CNTNAP2: variants seen among roughly 807,000 people sequenced by gnomAD.
CNTNAP2 encodes the protein contactin-associated protein-like 2.
Under a neutral mutation model 155.2 loss-of-function variants are expected in CNTNAP2, and 98 were observed. The observed-to-expected ratio is 0.63, with a 90% confidence interval of 0.54 to 0.75. The LOEUF is 0.75. Ranked by LOEUF, CNTNAP2 falls within the 30% of genes least tolerant of loss-of-function variation. The pLI is 0.00. For synonymous variants in CNTNAP2, 651 were observed against 631.2 expected (o/e 1.03, Z -0.47); for missense variants, 1,727 against 1,688.1 (o/e 1.02, Z -0.40).
At chr7:146,406,822 G>A (rs547289091) in intron 1 of CNTNAP2, among the ~76,000 whole-genome samples, 51 of 152,308 alleles carry the variant, frequency 3.3e-4, no homozygotes, top group African/African-American at 1.1e-3. Context: ...GATCTGAAGG[G>A]TCATGGCTAC....
rs1798041697 is a variant in CNTNAP2 at position 146,151,645 on chromosome 7, T to TAC, written c.97+34673_97+34674insCA. On this transcript the variant is annotated intron_variant, in intron 1 of 23. Transcript: ENST00000361727. The stretch of plus-strand genomic sequence containing the variant: ...GGACAAAGAAAACGTGATATATATA[T>TAC]ATATATATATATATATATATATATA... Among the ~76,000 whole-genome samples the TAC allele has an allele frequency of 1.4e-4, 3 of 21,346 alleles. No individual in the cohort carries two copies. The East Asian group carries it at 4.4e-3, about 31-fold the overall frequency. The allele number at this position is 21,346 out of a possible 152,430, so 14.0% of individuals were successfully genotyped here.
At chr7:147,027,321 A>C (rs954779119) in intron 3 of CNTNAP2, among the ~76,000 whole-genome samples, 1 of 152,252 alleles carries the variant, frequency 6.6e-6, no homozygotes, top group South Asian at 2.1e-4. Flanking sequence ...TGGAAACTGC[A>C]TAGATCTTCT....
rs1026244799 is a variant in CNTNAP2 at position 147,639,312 on chromosome 7, C to A, written c.2098+6C>A. ...AAGATTGTTGAACACCCCAGGTAGGCTGAGAATGGAATGTTACTTTTAATC... is the reference window on the plus strand; with the variant it reads ...AAGATTGTTGAACACCCCAGGTAGGATGAGAATGGAATGTTACTTTTAATC... On this transcript the variant is annotated splice_donor_region_variant and intron_variant, in intron 13 of 23. Coordinates refer to ENST00000361727, the MANE Select transcript of CNTNAP2 (RefSeq NM_014141.6). The A allele has an allele frequency of 5.0e-6, 8 of 1,613,290 alleles. No homozygotes were observed. Among genetic ancestry groups the A allele is most frequent in the Non-Finnish European group, 6.8e-6 (8 of 1,179,412 alleles).
At chr7:147,715,934 A>C (rs1349433557) in intron 13 of CNTNAP2, among the ~76,000 whole-genome samples, 2 of 152,186 alleles carry the variant, frequency 1.3e-5, no homozygotes, top group East Asian at 3.9e-4. Context: ...TTGCCTATAA[A>C]TCATTGCATC....
intron 1 of CNTNAP2, among the ~76,000 whole-genome samples, chr7:146,721,889 A>ATATATATATATATTTTTTTTTTTTTTTT: frequency 1.4e-5 from 1 of 69,708 alleles, no homozygotes; most frequent in Admixed American, 1.2e-4. Flanking sequence ...ATATATATAT[A>ATATATATATATATTTTTTTTTTTTTTTT]TTTTTTTTTT....
chr7:146,871,784 A>C (rs139269458), intron 3 of CNTNAP2, among the ~76,000 whole-genome samples: 88 of 152,210 alleles, frequency 5.8e-4, no homozygotes, highest in African/African-American at 1.9e-3. Flanking sequence ...ATCCTTAATC[A>C]TTAACAGTAA....
rs146880492 is a variant in CNTNAP2 at position 148,362,732 on chromosome 7, T to G, written c.3476-20917T>G. On this transcript the variant is annotated intron_variant, in intron 21 of 23. Transcript: ENST00000361727. ...AAATTCAATGCTGCTAATAGGAAGCTTGAAAGCAAACAGTCTATGCTTTGG... is the reference window on the plus strand; with the variant it reads ...AAATTCAATGCTGCTAATAGGAAGCGTGAAAGCAAACAGTCTATGCTTTGG... 7.4e-3 allele frequency among the ~76,000 whole-genome samples: 1,120 copies of G among 152,282 alleles called. 15 individuals carry two copies. Among genetic ancestry groups the G allele is most frequent in the African/African-American group, 0.026 (1,080 of 41,562 alleles).
At chr7:148,027,919 A>T (rs138564735) in intron 15 of CNTNAP2, among the ~76,000 whole-genome samples, 2 of 152,326 alleles carry the variant, frequency 1.3e-5, no homozygotes, top group East Asian at 3.9e-4. Context: ...TGATTATTTT[A>T]TGTTAATTAC....
chr7:146,510,544 G>A lies in CNTNAP2; in HGVS notation c.98-263727G>A, dbSNP rs117275107. Among the ~76,000 whole-genome samples, 82 of 152,040 alleles carry A rather than the reference G, an allele frequency of 5.4e-4. 1 individual carries two copies. The East Asian group carries it at 0.014, about 27-fold the overall frequency. ...AAGAATGTAATTGGTATTTTGATAG[G>A]GACTGCATTCCATCCTTGATCATTT... On this transcript the variant is annotated intron_variant, in intron 1 of 23. Transcript: ENST00000361727.
At chr7:147,535,170 A>T (rs1432649481) in intron 11 of CNTNAP2, among the ~76,000 whole-genome samples, 1 of 152,200 alleles carries the variant, frequency 6.6e-6, no homozygotes, top group East Asian at 1.9e-4. Context: ...AGGCGGATGG[A>T]TCACCTGAGG....
At chr7:148,209,378 C>T (rs969697961) in intron 18 of CNTNAP2, among the ~76,000 whole-genome samples, 3 of 151,402 alleles carry the variant, frequency 2.0e-5, no homozygotes, top group Non-Finnish European at 4.4e-5. Context: ...AAGCGACCCT[C>T]CTGCCTTGGC....
At chr7:147,989,265 T>C (rs935741142) in intron 15 of CNTNAP2, among the ~76,000 whole-genome samples, 2 of 152,152 alleles carry the variant, frequency 1.3e-5, no homozygotes, top group African/African-American at 4.8e-5. Context: ...AGCACAGACT[T>C]TGGAATCACA....
intron 11 of CNTNAP2, among the ~76,000 whole-genome samples, chr7:147,536,936 C>A (rs751155703): frequency 6.6e-6 from 1 of 152,226 alleles, no homozygotes; most frequent in Non-Finnish European, 1.5e-5. Context: ...AATCCCAGTT[C>A]TCTGTCCACA....
intron 1 of CNTNAP2, among the ~76,000 whole-genome samples, chr7:146,223,768 C>T (rs1313113978): frequency 1.3e-5 from 2 of 152,118 alleles, no homozygotes; most frequent in African/African-American, 4.8e-5. Context: ...AAGTAACCTC[C>T]ACACCAAAGT....
At chr7:146,132,643 C>G (rs1255884940) in intron 1 of CNTNAP2, among the ~76,000 whole-genome samples, 3 of 148,256 alleles carry the variant, frequency 2.0e-5, no homozygotes, top group African/African-American at 7.5e-5. Flanking sequence ...TCAATTCCCA[C>G]CTATGAGTGA....
chr7:147,895,839 AATTT>A (rs1233196280), intron 13 of CNTNAP2, among the ~76,000 whole-genome samples: 2 of 152,192 alleles, frequency 1.3e-5, no homozygotes, highest in Non-Finnish European at 1.5e-5. Context: ...ACAAATTAAT[AATTT>A]ATTTTAGTTA....
At chr7:148,289,753 C>T (rs1797157469) in intron 21 of CNTNAP2, among the ~76,000 whole-genome samples, 2 of 152,154 alleles carry the variant, frequency 1.3e-5, no homozygotes. Flanking sequence ...GACTTCCCAG[C>T]TCAGTCCCTC....
At chr7:146,565,428 G>A (rs1043432641) in intron 1 of CNTNAP2, among the ~76,000 whole-genome samples, 24 of 151,604 alleles carry the variant, frequency 1.6e-4, no homozygotes, top group Admixed American at 1.4e-3. Flanking sequence ...CCTTTCCAGG[G>A]ATCCTTTCCA....
intron 10 of CNTNAP2, among the ~76,000 whole-genome samples, chr7:147,399,122 A>T (rs561304325): frequency 6.6e-6 from 1 of 152,286 alleles, no homozygotes; most frequent in Non-Finnish European, 1.5e-5. Context: ...ATCCAGGATC[A>T]GTATGGAAGC....
Sources: gnomAD v4.1 joint callset for allele counts (sites outside exome capture counted in the v4.1 genomes callset) on GRCh38, gnomAD v4.1.1 for gene constraint, MANE v1.5 for transcripts, NCBI Gene and HGNC (gene_info 2026-07-23, HGNC 2026-07-21) for gene names.